NCKAP1: variants seen among roughly 807,000 people sequenced by gnomAD.
The protein encoded by NCKAP1 is NCK associated protein 1.
NCKAP1 carries 21 observed loss-of-function variants against 151.2 expected under a neutral mutation model. That is an observed-to-expected ratio of 0.14 (90% CI 0.10 to 0.20). The LOEUF is 0.20. Ranked by LOEUF, NCKAP1 falls within the 10% of genes least tolerant of loss-of-function variation. NCKAP1 has a pLI of 1.00. For synonymous variants in NCKAP1, 484 were observed against 451.8 expected, an observed-to-expected ratio of 1.07 and a Z score of -0.90; for missense variants, 933 against 1,352.1, an observed-to-expected ratio of 0.69 and a Z score of 4.86.
rs1272150832 is a variant in NCKAP1 at position 182,950,628 on chromosome 2, CAAT to C, written c.2601+1774_2601+1776del. Among the ~76,000 whole-genome samples, 4 of 152,054 alleles carry C rather than the reference CAAT, an allele frequency of 2.6e-5. No individual in the cohort carries two copies. The South Asian group carries it at 8.3e-4, about 32-fold the overall frequency. ...AGCCATCTAAAAGTTGACTTTTATA[CAAT>C]AATTGCAGAAAACTTTAAAAATAAC... On this transcript the variant is annotated intron_variant, in intron 23 of 30. Coordinates refer to ENST00000361354, the MANE Select transcript of NCKAP1 (RefSeq NM_013436.5).
intron 17 of NCKAP1, 63 bp downstream of exon 17, chr2:182,964,613 G>A: frequency 1.5e-6 from 2 of 1,344,888 alleles, no homozygotes; most frequent in South Asian, 3.9e-5. Context: ...TATTTGGTTG[G>A]CTACAGGTTT....
At chr2:182,959,093 T>G (rs1697385999) in intron 18 of NCKAP1, among the ~76,000 whole-genome samples, 1 of 152,218 alleles carries the variant, frequency 6.6e-6, no homozygotes, top group Non-Finnish European at 1.5e-5. Flanking sequence ...GTATCTCCAT[T>G]GGACAGAGCT....
chr2:182,960,987 T>A (rs926379394), intron 18 of NCKAP1, among the ~76,000 whole-genome samples: 3 of 152,122 alleles, frequency 2.0e-5, no homozygotes, highest in Non-Finnish European at 4.4e-5. Context: ...AAAATGCTCA[T>A]CATCACTGGC....
intron 10 of NCKAP1, 125 bp downstream of exon 10, chr2:182,986,046 G>T: frequency 1.2e-6 from 1 of 807,876 alleles, no homozygotes; most frequent in South Asian, 1.6e-5. Flanking sequence ...AATTCTCATT[G>T]ACTGAAAGTC....
In NCKAP1 at chr2:182,913,212, T is replaced by G. The variant is rs1307203159; in HGVS notation, c.*12490A>C. On this transcript the variant is annotated 3_prime_UTR_variant, in exon 31 of 31. Transcript: ENST00000361354. Reference sequence around the variant, plus strand: ...TGTACATGCCAAGCATTTAGGACACTATGTCCTGTGTATTTATTGATTCAA... The same window carrying G: ...TGTACATGCCAAGCATTTAGGACACGATGTCCTGTGTATTTATTGATTCAA... 3.9e-5 allele frequency: 6 copies of G among 152,246 alleles called. No individual in the cohort carries two copies. Among genetic ancestry groups the G allele is most frequent in the African/African-American group, 1.4e-4 (6 of 41,470 alleles). 9.4% of individuals were successfully genotyped at this position (152,246 alleles called of 1,614,324 possible). A position where few individuals can be genotyped will look rare whatever the true frequency, so the allele number is the denominator to read the frequency against.
chr2:183,021,607 T>C (rs1374946868), intron 2 of NCKAP1, among the ~76,000 whole-genome samples: 1 of 152,136 alleles, frequency 6.6e-6, no homozygotes, highest in African/African-American at 2.4e-5. Context: ...TGAAACCCTG[T>C]CTCTTAAAAC....
In NCKAP1 at chr2:182,964,719, C is replaced by T. The variant is rs768131133; in HGVS notation, c.1718G>A (p.Cys573Tyr). 1.2e-6 allele frequency: 2 copies of T among 1,606,912 alleles called. No individual in the cohort carries two copies. The highest frequency in any genetic ancestry group is 1.7e-6 in the Non-Finnish European group (2 of 1,176,430). ...SRYSIAFPLLCTHFMSCTHEL... is the reference protein window; with the variant it reads ...SRYSIAFPLLYTHFMSCTHEL... Reference sequence around the variant, plus strand: ...ATGCGTGCAACTCATAAAATGAGTGCAAAGTAGTGGAAATGCAATTGAGTA... The same window carrying T: ...ATGCGTGCAACTCATAAAATGAGTGTAAAGTAGTGGAAATGCAATTGAGTA... Residue 573 changes from cysteine (C) to tyrosine (Y), a missense_variant, in exon 17 of 31, where the codon TGC (cysteine) becomes TAC (tyrosine). Physicochemically the swap from Cys to Tyr is radical, Grantham distance 194. Coordinates refer to ENST00000361354, the MANE Select transcript of NCKAP1 (RefSeq NM_013436.5).
At position 182,925,015 on chromosome 2, in the gene NCKAP1, T is replaced by C. The variant is rs1696612751; in HGVS notation, c.*687A>G. The stretch of plus-strand genomic sequence containing the variant: ...CAGTTGATAAATGTCTAAGATTGTT[T>C]ATTATACAGCAGGGTACAATGGTAG... On this transcript the variant is annotated 3_prime_UTR_variant, in exon 31 of 31. Transcript: ENST00000361354. The C allele has an allele frequency of 6.6e-6, 1 of 152,118 alleles. No individual in the cohort carries two copies. The highest frequency in any genetic ancestry group is 1.5e-5 in the Non-Finnish European group (1 of 67,980). 9.4% of individuals were successfully genotyped at this position (152,118 alleles called of 1,614,324 possible). A position where few individuals can be genotyped will look rare whatever the true frequency, so the allele number is the denominator to read the frequency against.
chr2:183,037,657 T>C (rs963423092), intron 1 of NCKAP1, among the ~76,000 whole-genome samples: 7 of 152,136 alleles, frequency 4.6e-5, no homozygotes, highest in African/African-American at 1.7e-4. Flanking sequence ...CCCTTTCCTA[T>C]GGGCCCCATC....
chr2:182,973,475 A>C (rs1387038188), intron 15 of NCKAP1, among the ~76,000 whole-genome samples: 1 of 152,124 alleles, frequency 6.6e-6, no homozygotes, highest in Non-Finnish European at 1.5e-5. Context: ...CAAAAATACA[A>C]AGAGAATTCT....
chr2:183,029,821 G>C (rs1427740573), intron 1 of NCKAP1, among the ~76,000 whole-genome samples: 1 of 50,742 alleles, frequency 2.0e-5, no homozygotes, highest in Non-Finnish European at 3.8e-5. Flanking sequence ...ACCCTGACTC[G>C]AAAAAAAAAA....
Position 182,925,005 on chromosome 2 carries a change from T to C in NCKAP1, c.*697A>G, listed in dbSNP as rs1458959188. 6.6e-6 allele frequency: 1 copy of C among 152,142 alleles called. No individual in the cohort carries two copies. The highest frequency in any genetic ancestry group is 2.4e-5 in the African/African-American group (1 of 41,442). The allele number at this position is 152,142 out of a possible 1,614,324, so 9.4% of individuals were successfully genotyped here. A position where few individuals can be genotyped will look rare whatever the true frequency, so the allele number is the denominator to read the frequency against. On this transcript the variant is annotated 3_prime_UTR_variant, in exon 31 of 31. Transcript: ENST00000361354. ...TTTGTATCAACAGTTGATAAATGTC[T>C]AAGATTGTTTATTATACAGCAGGGT...
chr2:182,945,284 A>G (rs1425671016), intron 23 of NCKAP1, among the ~76,000 whole-genome samples: 3 of 151,898 alleles, frequency 2.0e-5, no homozygotes, highest in Admixed American at 6.6e-5. Context: ...GCACAGTGGT[A>G]CACGCCTATA....
intron 2 of NCKAP1, among the ~76,000 whole-genome samples, chr2:183,012,675 T>A (rs908760478): frequency 1.3e-5 from 2 of 150,902 alleles, no homozygotes; most frequent in African/African-American, 4.9e-5. Context: ...TGTAGTGGCA[T>A]GATCTCGGCT....
chr2:182,959,570 T>A (rs1697398070), intron 18 of NCKAP1, among the ~76,000 whole-genome samples: 1 of 152,146 alleles, frequency 6.6e-6, no homozygotes, highest in Non-Finnish European at 1.5e-5. Context: ...ATAAATTAGG[T>A]ATTGATAGGA....
chr2:183,032,948 G>A (rs546108658), intron 1 of NCKAP1, among the ~76,000 whole-genome samples: 2 of 152,284 alleles, frequency 1.3e-5, no homozygotes, highest in East Asian at 3.9e-4. Context: ...TACTCAGAAG[G>A]CTGAGGTGGG....
At chr2:182,978,422 A>G (rs1575043398) in intron 14 of NCKAP1, among the ~76,000 whole-genome samples, 1 of 152,200 alleles carries the variant, frequency 6.6e-6, no homozygotes, top group East Asian at 1.9e-4. Flanking sequence ...CCTCAAACCC[A>G]GAGTTTCCAA....
At chr2:182,928,311 C>A in intron 28 of NCKAP1, 85 bp from the exon 29 acceptor site, 1 of 896,002 alleles carries the variant, frequency 1.1e-6, no homozygotes, top group Non-Finnish European at 1.7e-6. Flanking sequence ...TCACAATCTG[C>A]ATAAATAGGG....
chr2:183,008,282 T>A (rs973169155), intron 2 of NCKAP1, among the ~76,000 whole-genome samples: 23 of 152,236 alleles, frequency 1.5e-4, no homozygotes, highest in African/African-American at 5.3e-4. Context: ...TCCACTGATG[T>A]TATGCAAGAT....
Sources: gnomAD v4.1 joint callset for allele counts (sites outside exome capture counted in the v4.1 genomes callset) on GRCh38, gnomAD v4.1.1 for gene constraint, MANE v1.5 for transcripts, NCBI Gene and HGNC (gene_info 2026-07-23, HGNC 2026-07-21) for gene names.